TFDP2: variants seen among roughly 807,000 people sequenced by gnomAD.
TFDP2 encodes the protein transcription factor Dp-2.
A neutral mutation model predicts 59.3 loss-of-function variants in TFDP2; 17 were observed. The observed-to-expected ratio is 0.29, with a 90% confidence interval of 0.20 to 0.43. The LOEUF (loss-of-function observed/expected upper bound fraction) is 0.43. TFDP2 is among the 20% of genes least tolerant of loss of function. The pLI, the probability that TFDP2 is intolerant of heterozygous loss-of-function variation, is 1.00. For synonymous variants in TFDP2, 180 were observed against 194.7 expected, an observed-to-expected ratio of 0.92 and a Z score of 0.63; for missense variants, 391 against 528.8, an observed-to-expected ratio of 0.74 and a Z score of 2.56.
intron 2 of TFDP2, among the ~76,000 whole-genome samples, chr3:142,096,170 T>C (rs1348797122): frequency 1.3e-5 from 2 of 152,202 alleles, no homozygotes; most frequent in Non-Finnish European, 2.9e-5. Context: ...TGTGAGTCCA[T>C]ACTGCATGCT....
intron 8 of TFDP2, among the ~76,000 whole-genome samples, chr3:141,973,123 A>ATATATATATATATATATATATTTTTTTTT: frequency 3.4e-5 from 2 of 58,028 alleles, no homozygotes; most frequent in Non-Finnish European, 7.4e-5. Flanking sequence ...ATATATATAT[A>ATATATATATATATATATATATTTTTTTTT]TTTTTTTTTT....
chr3:142,146,214 A>G (rs2063168583), intron 1 of TFDP2, among the ~76,000 whole-genome samples: 1 of 152,216 alleles, frequency 6.6e-6, no homozygotes, highest in Non-Finnish European at 1.5e-5. Context: ...ATATAGATAC[A>G]TGTAAAGTCC....
chr3:142,098,476 T>C (rs2061232003), intron 2 of TFDP2, among the ~76,000 whole-genome samples: 1 of 151,938 alleles, frequency 6.6e-6, no homozygotes, highest in Admixed American at 6.6e-5. Context: ...CTCATGTAGT[T>C]CTAGTAAGAC....
chr3:142,069,143 T>C (rs567615966), intron 3 of TFDP2, among the ~76,000 whole-genome samples: 1 of 152,222 alleles, frequency 6.6e-6, no homozygotes, highest in South Asian at 2.1e-4. Flanking sequence ...CTCGAACTCC[T>C]GACCTCGTGA....
intron 1 of TFDP2, among the ~76,000 whole-genome samples, chr3:142,146,800 G>A (rs1479427145): frequency 6.6e-6 from 1 of 152,136 alleles, no homozygotes; most frequent in East Asian, 1.9e-4. Context: ...GTCACTAGCA[G>A]AGGTTAAAGA....
intron 1 of TFDP2, among the ~76,000 whole-genome samples, chr3:142,106,308 A>T (rs1350323740): frequency 6.6e-6 from 1 of 152,258 alleles, no homozygotes; most frequent in Non-Finnish European, 1.5e-5. Flanking sequence ...TTACATTAAG[A>T]TAGACATTGT....
chr3:142,129,022 G>GT (rs1156790536), intron 1 of TFDP2, among the ~76,000 whole-genome samples: 5 of 151,966 alleles, frequency 3.3e-5, no homozygotes, highest in Non-Finnish European at 5.9e-5. Flanking sequence ...TCACAAAAGA[G>GT]TAAAGCTTTC....
At chr3:142,047,803 G>T (rs189153458) in intron 3 of TFDP2, among the ~76,000 whole-genome samples, 2 of 148,182 alleles carry the variant, frequency 1.3e-5, no homozygotes, top group African/African-American at 5.0e-5. Context: ...AGTCAGTGGC[G>T]CGATCTTGGT....
intron 1 of TFDP2, among the ~76,000 whole-genome samples, chr3:142,114,791 C>G (rs770450371): frequency 9.2e-5 from 14 of 151,976 alleles, no homozygotes; most frequent in Non-Finnish European, 1.9e-4. Context: ...CTAAATCTTA[C>G]TATTGAAAGA....
At chr3:142,068,740 G>A (rs371350583) in intron 3 of TFDP2, among the ~76,000 whole-genome samples, 2 of 151,392 alleles carry the variant, frequency 1.3e-5, no homozygotes, top group African/African-American at 2.4e-5. Flanking sequence ...CTAATTTTTC[G>A]TAGAGACAGG....
intron 3 of TFDP2, chr3:142,043,886 A>G (rs1434119437): frequency 9.2e-7 from 1 of 1,092,018 alleles, no homozygotes; most frequent in Non-Finnish European, 1.4e-6. Context: ...TTAGATTCAC[A>G]GTATCTTCTA....
intron 3 of TFDP2, among the ~76,000 whole-genome samples, chr3:142,037,124 CTAAG>C (rs1946728468): frequency 6.6e-6 from 1 of 152,128 alleles, no homozygotes; most frequent in African/African-American, 2.4e-5. Context: ...CAACTTTCAA[CTAAG>C]TAACATGATA....
At chr3:142,102,377 C>T (rs1174006272) in intron 1 of TFDP2, among the ~76,000 whole-genome samples, 1 of 151,828 alleles carries the variant, frequency 6.6e-6, no homozygotes, top group Non-Finnish European at 1.5e-5. Context: ...CACCAAAGTA[C>T]ATAATGATAG....
intron 6 of TFDP2, among the ~76,000 whole-genome samples, chr3:141,983,448 C>G (rs975400764): frequency 6.6e-6 from 1 of 151,884 alleles, no homozygotes; most frequent in Admixed American, 6.6e-5. Flanking sequence ...ACCAGCCTGG[C>G]CAACATGGTG....
intron 3 of TFDP2, among the ~76,000 whole-genome samples, chr3:142,085,425 A>T (rs2060780681): frequency 6.6e-6 from 1 of 150,402 alleles, no homozygotes; most frequent in African/African-American, 2.5e-5. Flanking sequence ...AATTTTAAAA[A>T]TTTTTAATCA....
intron 1 of TFDP2, among the ~76,000 whole-genome samples, chr3:142,146,710 A>G (rs1479976385): frequency 6.6e-6 from 1 of 152,218 alleles, no homozygotes; most frequent in Non-Finnish European, 1.5e-5. Context: ...GCTTGTCAGA[A>G]GAATGTGGAT....
rs903848509 is a variant in TFDP2 at position 141,962,652 on chromosome 3, G to A, written c.884+1160C>T. Among the ~76,000 whole-genome samples the A allele has an allele frequency of 5.3e-5, 8 of 152,328 alleles. No homozygotes were observed. In the South Asian group the frequency reaches 1.7e-3, roughly 32 times the overall value. ...TGGGATTACAGGTGTGAACCACCACGCCTGGCTAACTCTTCTTTTGTGTGT... is the reference window on the plus strand; with the variant it reads ...TGGGATTACAGGTGTGAACCACCACACCTGGCTAACTCTTCTTTTGTGTGT... On this transcript the variant is annotated intron_variant, in intron 10 of 12. Transcript: ENST00000489671.
intron 1 of TFDP2, among the ~76,000 whole-genome samples, chr3:142,125,895 A>T (rs1186446288): frequency 6.6e-6 from 1 of 152,168 alleles, no homozygotes; most frequent in Non-Finnish European, 1.5e-5. Context: ...AAATTAACTT[A>T]ATTTTTTAAA....
chr3:142,006,537 CA>C (rs1944229084), intron 3 of TFDP2, among the ~76,000 whole-genome samples: 1 of 148,816 alleles, frequency 6.7e-6, no homozygotes, highest in Non-Finnish European at 1.5e-5. Flanking sequence ...GATGCAATCA[CA>C]GGTCACTACA....
Sources: allele counts gnomAD v4.1 joint callset (sites outside exome capture counted in the v4.1 genomes callset), GRCh38; gene constraint gnomAD v4.1.1; transcripts MANE v1.5; gene names NCBI Gene and HGNC (gene_info 2026-07-23, HGNC 2026-07-21).